XKR6: variants seen among roughly 807,000 people sequenced by gnomAD.
The protein encoded by XKR6 is XK related 6, also known as XK-related protein 6.
Under a neutral mutation model 56.7 loss-of-function variants are expected in XKR6, and 22 were observed. That is an observed-to-expected ratio of 0.39 (90% CI 0.28 to 0.55). The LOEUF (loss-of-function observed/expected upper bound fraction) is 0.55, where lower values mean the gene tolerates loss of function less well. Ranked by LOEUF, XKR6 falls within the 20% of genes least tolerant of loss-of-function variation. XKR6 has a pLI of 0.66. For missense variants in XKR6, 852 were observed against 889.0 expected (o/e 0.96, Z 0.53); for synonymous variants, 524 against 387.8 (o/e 1.35, Z -4.13).
At position 11,061,740 on chromosome 8, in the gene XKR6, C is replaced by T. The variant is rs564132916; in HGVS notation, c.765-136910G>A. Among the ~76,000 whole-genome samples the T allele has an allele frequency of 5.9e-5, 9 of 152,166 alleles. No individual in the cohort carries two copies. In the South Asian group the frequency reaches 6.2e-4, roughly 11 times the overall value. ...CTCTTCCAGGAGCAGAAGCCCAGGACGAGGCCAGCCCATTAAACCCACTTG... is the reference window on the plus strand; with the variant it reads ...CTCTTCCAGGAGCAGAAGCCCAGGATGAGGCCAGCCCATTAAACCCACTTG... On this transcript the variant is annotated intron_variant, in intron 1 of 2. Coordinates refer to ENST00000416569, the MANE Select transcript of XKR6 (RefSeq NM_173683.4).
chr8:10,991,982 T>C (rs1227829056), intron 1 of XKR6, among the ~76,000 whole-genome samples: 1 of 152,184 alleles, frequency 6.6e-6, no homozygotes, highest in African/African-American at 2.4e-5. Flanking sequence ...TAACTTCCTG[T>C]CTATATACAG....
chr8:11,080,693 C>T (rs1484439258), intron 1 of XKR6, among the ~76,000 whole-genome samples: 4 of 152,146 alleles, frequency 2.6e-5, no homozygotes, highest in East Asian at 3.9e-4. Context: ...GGAAATAATT[C>T]GGAGGAGGAG....
At chr8:11,062,855 G>A (rs1467772828) in intron 1 of XKR6, 1 of 456,254 alleles carries the variant, frequency 2.2e-6, no homozygotes, top group South Asian at 1.5e-5. Context: ...TCTAGCCAAT[G>A]GGAGGTGAGT....
intron 1 of XKR6, among the ~76,000 whole-genome samples, chr8:11,131,516 G>T (rs1156391256): frequency 6.6e-6 from 1 of 152,080 alleles, no homozygotes; most frequent in East Asian, 1.9e-4. Flanking sequence ...AAATATTTCT[G>T]TATGGCTTAA....
intron 1 of XKR6, among the ~76,000 whole-genome samples, chr8:10,977,790 G>GGT (rs1802611277): frequency 6.6e-6 from 1 of 151,548 alleles, no homozygotes; most frequent in Non-Finnish European, 1.5e-5. Context: ...AGGAGTAATA[G>GGT]CACATACCTT....
chr8:11,129,288 G>A (rs1799984954), intron 1 of XKR6, among the ~76,000 whole-genome samples: 1 of 152,168 alleles, frequency 6.6e-6, no homozygotes, highest in Non-Finnish European at 1.5e-5. Flanking sequence ...CTATTTCTGT[G>A]AGAAAATACC....
chr8:11,025,277 C>T (rs1460863292), intron 1 of XKR6, among the ~76,000 whole-genome samples: 1 of 152,196 alleles, frequency 6.6e-6, no homozygotes, highest in African/African-American at 2.4e-5. Flanking sequence ...TCAGTGGTTA[C>T]GTTTGATGTC....
intron 1 of XKR6, among the ~76,000 whole-genome samples, chr8:10,927,387 C>T (rs1447872202): frequency 6.6e-6 from 1 of 152,082 alleles, no homozygotes; most frequent in Non-Finnish European, 1.5e-5. Context: ...ACAGGTGGCA[C>T]CTGCAGCACA....
intron 1 of XKR6, chr8:11,194,996 T>C (rs1199358239): frequency 1.7e-6 from 1 of 580,064 alleles, no homozygotes; most frequent in Non-Finnish European, 3.0e-6. Context: ...TTAGGGTTAC[T>C]GTTCACTCAA....
intron 1 of XKR6, among the ~76,000 whole-genome samples, chr8:11,094,075 C>T (rs1038811519): frequency 2.7e-4 from 37 of 139,358 alleles, no homozygotes; most frequent in African/African-American, 1.0e-3. Flanking sequence ...TGAGCCACCG[C>T]GCCCGGCCTT....
chr8:11,049,677 G>A (rs1248116347), intron 1 of XKR6, among the ~76,000 whole-genome samples: 1 of 152,192 alleles, frequency 6.6e-6, no homozygotes, highest in African/African-American at 2.4e-5. Flanking sequence ...GGGCTGGCAG[G>A]GGAGGCACCA....
At chr8:11,091,391 T>C (rs113679422) in intron 1 of XKR6, among the ~76,000 whole-genome samples, 404 of 150,832 alleles carry the variant, frequency 2.7e-3, no homozygotes, top group African/African-American at 8.5e-3. Flanking sequence ...TGAGCCAAGA[T>C]TGCACCCTGC....
At chr8:11,197,794 C>A (rs765403541) in intron 1 of XKR6, among the ~76,000 whole-genome samples, 1 of 150,770 alleles carries the variant, frequency 6.6e-6, no homozygotes, top group East Asian at 1.9e-4. Flanking sequence ...TATTTGCCAT[C>A]TTGACAGGAA....
At chr8:10,995,561 G>A (rs1798092693) in intron 1 of XKR6, among the ~76,000 whole-genome samples, 2 of 150,184 alleles carry the variant, frequency 1.3e-5, no homozygotes, top group Non-Finnish European at 3.0e-5. Context: ...GGTGGCACAC[G>A]CCTGTGGTCC....
intron 1 of XKR6, among the ~76,000 whole-genome samples, chr8:11,126,870 A>G (rs1417332335): frequency 1.3e-5 from 2 of 152,172 alleles, no homozygotes; most frequent in African/African-American, 4.8e-5. Flanking sequence ...TTGGAAACTG[A>G]TATAAACCAA....
chr8:11,089,125 T>A (rs1797985081), intron 1 of XKR6, among the ~76,000 whole-genome samples: 2 of 151,738 alleles, frequency 1.3e-5, no homozygotes, highest in South Asian at 4.2e-4. Context: ...GGCTGGAACA[T>A]CAGGTCCACT....
chr8:10,953,277 C>T (rs1189479014), intron 1 of XKR6, among the ~76,000 whole-genome samples: 1 of 152,164 alleles, frequency 6.6e-6, no homozygotes, highest in East Asian at 1.9e-4. Flanking sequence ...CACCATCTTC[C>T]TTGGTGCTCT....
chr8:11,193,431 T>A (rs1803692912), intron 1 of XKR6, among the ~76,000 whole-genome samples: 2 of 152,174 alleles, frequency 1.3e-5, no homozygotes, highest in African/African-American at 4.8e-5. Flanking sequence ...TCTACCCACA[T>A]TAGAAATACA....
chr8:10,916,681 C>T (rs1800573722), intron 2 of XKR6, among the ~76,000 whole-genome samples: 1 of 152,158 alleles, frequency 6.6e-6, no homozygotes, highest in Non-Finnish European at 1.5e-5. Context: ...GGAGCTGATG[C>T]TTCATGTGGG....
Sources: allele counts gnomAD v4.1 joint callset (sites outside exome capture counted in the v4.1 genomes callset), GRCh38; gene constraint gnomAD v4.1.1; transcripts MANE v1.5; gene names NCBI Gene and HGNC (gene_info 2026-07-23, HGNC 2026-07-21).